The following PDE8B variants were observed in gnomAD, a reference collection of about 807,000 sequenced individuals.
The protein encoded by PDE8B is high affinity cAMP-specific and IBMX-insensitive 3',5'-cyclic phosphodiesterase 8B.
In PDE8B, 26 loss-of-function variants were observed where a neutral mutation model predicts 101.3. The ratio of observed to expected loss-of-function variants is 0.26; its 90% confidence interval spans 0.19 to 0.36. The LOEUF (loss-of-function observed/expected upper bound fraction) is 0.36, where lower values mean the gene tolerates loss of function less well. PDE8B is among the 10% of genes least tolerant of loss of function. The pLI is 1.00. For missense variants in PDE8B, 810 were observed against 1,163.1 expected (o/e 0.70, Z 4.42); for synonymous variants, 424 against 429.3 (o/e 0.99, Z 0.15).
intron 13 of PDE8B, among the ~76,000 whole-genome samples, chr5:77,408,668 G>T (rs1793974829): frequency 6.6e-6 from 1 of 152,156 alleles, no homozygotes; most frequent in African/African-American, 2.4e-5. Flanking sequence ...AGGTGAATCT[G>T]CAAGGGAGCC....
the PDE8B span, among the ~76,000 whole-genome samples, chr5:77,116,865 C>G: frequency 6.6e-6 from 1 of 152,190 alleles, no homozygotes. Flanking sequence ...GGTAACATAT[C>G]TGACACTCCA....
intron 1 of PDE8B, among the ~76,000 whole-genome samples, chr5:77,307,858 C>T (rs2150087588): frequency 6.6e-6 from 1 of 152,240 alleles, no homozygotes; most frequent in Admixed American, 6.5e-5. Flanking sequence ...TTACCTATGC[C>T]CCCACCCCTG....
chr5:77,265,025 T>C (rs1761396246), intron 1 of PDE8B, among the ~76,000 whole-genome samples: 1 of 152,208 alleles, frequency 6.6e-6, no homozygotes, highest in Admixed American at 6.5e-5. Flanking sequence ...TTTACAAATA[T>C]TTGCCATCTT....
At chr5:77,299,754 G>A (rs1241421314) in intron 1 of PDE8B, among the ~76,000 whole-genome samples, 1 of 152,154 alleles carries the variant, frequency 6.6e-6, no homozygotes, top group Admixed American at 6.5e-5. Flanking sequence ...TGTCTTTACA[G>A]CAGCATGATT....
intron 10 of PDE8B, among the ~76,000 whole-genome samples, chr5:77,357,457 A>G (rs998493268): frequency 6.6e-6 from 1 of 152,182 alleles, no homozygotes; most frequent in Non-Finnish European, 1.5e-5. Context: ...GAGCAAAGCT[A>G]CCAGTTGACA....
the PDE8B span, chr5:77,119,445 T>C: frequency 6.6e-6 from 1 of 150,828 alleles, no homozygotes; most frequent in Non-Finnish European, 1.5e-5. Context: ...GATCACGAGG[T>C]CAGGAGATCG....
chr5:77,412,181 A>G lies in PDE8B; in HGVS notation c.1658A>G (p.Asn553Ser). ...CCTTGTATCTCTCAATTACTTGATA[A>G]TGAGGAGAGTTGGGACTTCAACATC... ...VPPCISQLLD[N>S]EESWDFNIFE... The change falls in exon 16 of 22, where the codon AAT becomes AGT. Residue 553 changes from asparagine (N) to serine (S), a missense_variant. Around this residue, in one of 4 missense-constraint regions of PDE8B, gnomAD observed 325 missense variants for 560.9 expected, o/e 0.58. Coordinates refer to ENST00000264917, the MANE Select transcript of PDE8B (RefSeq NM_003719.5). The G allele has an allele frequency of 6.2e-7, 1 of 1,613,692 alleles. No individual in the cohort carries two copies. Among genetic ancestry groups the G allele is most frequent in the Middle Eastern group, 1.7e-4 (1 of 6,056 alleles).
At chr5:77,122,891 G>A in the PDE8B span, among the ~76,000 whole-genome samples, 7,585 of 152,220 alleles carry the variant, frequency 0.05, 532 homozygotes, top group African/African-American at 0.15. Flanking sequence ...CCCATGAAAA[G>A]GAAACGAAAG....
At chr5:77,319,089 G>A (rs1581012663) in intron 2 of PDE8B, among the ~76,000 whole-genome samples, 1 of 152,160 alleles carries the variant, frequency 6.6e-6, no homozygotes, top group African/African-American at 2.4e-5. Flanking sequence ...TTTCTTTGAG[G>A]TCTTTGTAGT....
chr5:77,281,983 T>A (rs1002842050), intron 1 of PDE8B, among the ~76,000 whole-genome samples: 9 of 152,138 alleles, frequency 5.9e-5, no homozygotes, highest in Admixed American at 5.2e-4. Flanking sequence ...TAGTAATGTG[T>A]GTTTCAGATT....
the PDE8B span, chr5:77,146,660 C>G: frequency 3.4e-6 from 1 of 292,802 alleles, no homozygotes; most frequent in East Asian, 9.2e-5. Flanking sequence ...GAAGAAGCAC[C>G]CAGATGGTTC....
chr5:77,315,980 G>T (rs1008717247), intron 2 of PDE8B, among the ~76,000 whole-genome samples: 23 of 147,904 alleles, frequency 1.6e-4, no homozygotes, highest in South Asian at 8.7e-4. Context: ...GCATATTGGG[G>T]TTTTTTTTTC....
chr5:77,298,557 C>G (rs1580872090), intron 1 of PDE8B, among the ~76,000 whole-genome samples: 1 of 152,208 alleles, frequency 6.6e-6, no homozygotes, highest in Non-Finnish European at 1.5e-5. Context: ...GAAGGCAGAA[C>G]TTTCTAATGA....
intron 5 of PDE8B, among the ~76,000 whole-genome samples, chr5:77,332,913 G>A (rs764358669): frequency 1.3e-5 from 2 of 151,576 alleles, no homozygotes; most frequent in Admixed American, 6.6e-5. Flanking sequence ...AGGGTACTGC[G>A]TGTGCCTTGT....
At chr5:77,224,239 A>G (rs1159462087) in intron 1 of PDE8B, among the ~76,000 whole-genome samples, 2 of 152,200 alleles carry the variant, frequency 1.3e-5, no homozygotes, top group African/African-American at 4.8e-5. Context: ...CAAGGATGAT[A>G]TAATCAATAT....
At chr5:77,296,210 T>A (rs914660925) in intron 1 of PDE8B, among the ~76,000 whole-genome samples, 1 of 152,006 alleles carries the variant, frequency 6.6e-6, no homozygotes, top group African/African-American at 2.4e-5. Context: ...CTCCTTTTCC[T>A]CCTCATCTTC....
chr5:77,141,667 A>T, the PDE8B span: 2 of 152,020 alleles, frequency 1.3e-5, no homozygotes, highest in Non-Finnish European at 2.9e-5. Flanking sequence ...CCAATATCTG[A>T]CTCATAGAAG....
At position 77,349,952 on chromosome 5, in the gene PDE8B, A is replaced by G. The variant is rs1001914823; in HGVS notation, c.1017+393A>G. 7.9e-5 allele frequency among the ~76,000 whole-genome samples: 12 copies of G among 152,076 alleles called. No individual in the cohort carries two copies. The East Asian group carries it at 9.6e-4, about 12-fold the overall frequency. On this transcript the variant is annotated intron_variant, in intron 8 of 21. Coordinates refer to ENST00000264917, the MANE Select transcript of PDE8B (RefSeq NM_003719.5). ...TATAGGTAGGCCAGGTTTTTTTCCC[A>G]GTTTTCCTTTTCTGTTCTCTGATCG...
intron 1 of PDE8B, among the ~76,000 whole-genome samples, chr5:77,246,473 C>T (rs1432654748): frequency 6.6e-6 from 1 of 152,138 alleles, no homozygotes; most frequent in East Asian, 1.9e-4. Context: ...TTTTGTATGG[C>T]TCATGACTTA....
Sources: gnomAD v4.1 joint callset for allele counts (sites outside exome capture counted in the v4.1 genomes callset) on GRCh38, gnomAD v4.1.1 for gene constraint, gnomAD v4.1.1 regional missense constraint, MANE v1.5 for transcripts, NCBI Gene and HGNC (gene_info 2026-07-23, HGNC 2026-07-21) for gene names.